Variants in FAM210A observed in about 807,000 individuals in gnomAD.
The protein encoded by FAM210A is family with sequence similarity 210 member A.
A neutral mutation model predicts 25.3 loss-of-function variants in FAM210A; 13 were observed. The ratio of observed to expected loss-of-function variants is 0.51; its 90% CI spans 0.33 to 0.82. FAM210A has a LOEUF of 0.82. Ranked by LOEUF, FAM210A falls within the 40% of genes least tolerant of loss-of-function variation. The probability of loss-of-function intolerance (pLI) is 0.02; values close to 1 mark genes in which losing one functional copy is unlikely to be tolerated. For synonymous variants in FAM210A, 125 were observed against 118.7 expected, an observed-to-expected ratio of 1.05 and a Z score of -0.35; for missense variants, 319 against 323.2, an observed-to-expected ratio of 0.99 and a Z score of 0.10.
rs543355762 is a variant in FAM210A at position 13,712,688 on chromosome 18, T to G, written c.-29+13641A>C. Among the ~76,000 whole-genome samples, 8 of 152,300 alleles carry G rather than the reference T, an allele frequency of 5.3e-5. No individual in the cohort carries two copies. The South Asian group carries it at 1.7e-3, about 32-fold the overall frequency. ...TGGGCCCACACCAAACACCTTTATC[T>G]GCCAGTACCTTGCTCTTAGACTTTC... On this transcript the variant is annotated intron_variant, in intron 1 of 3. Transcript: ENST00000651643.
chr18:13,692,519 G>A (rs1214708579), intron 1 of FAM210A, among the ~76,000 whole-genome samples: 5 of 152,134 alleles, frequency 3.3e-5, no homozygotes, highest in African/African-American at 1.2e-4. Flanking sequence ...GCACTCCTCA[G>A]CAAATGTAAA....
chr18:13,725,299 T>C (rs1568492216), intron 1 of FAM210A, among the ~76,000 whole-genome samples: 1 of 152,210 alleles, frequency 6.6e-6, no homozygotes. Context: ...TTTCATATAA[T>C]AACAAATACA....
At chr18:13,686,419 G>A (rs1243677179) in intron 1 of FAM210A, among the ~76,000 whole-genome samples, 2 of 152,170 alleles carry the variant, frequency 1.3e-5, no homozygotes, top group African/African-American at 4.8e-5. Flanking sequence ...ATAACTCAAT[G>A]CTACGTCTGT....
chr18:13,694,922 G>C (rs553041292), intron 1 of FAM210A, among the ~76,000 whole-genome samples: 1 of 152,192 alleles, frequency 6.6e-6, no homozygotes, highest in African/African-American at 2.4e-5. Flanking sequence ...CCATCAGAGT[G>C]AGCAGGCAAC....
intron 1 of FAM210A, among the ~76,000 whole-genome samples, chr18:13,704,529 C>A (rs999128236): frequency 6.6e-6 from 1 of 152,086 alleles, no homozygotes; most frequent in Non-Finnish European, 1.5e-5. Flanking sequence ...GTGTTTTAAA[C>A]CTTTAACATA....
At chr18:13,713,741 C>CACACACACACACACAA in intron 1 of FAM210A, among the ~76,000 whole-genome samples, 1 of 151,910 alleles carries the variant, frequency 6.6e-6, no homozygotes, top group East Asian at 1.9e-4. Context: ...CACACACACA[C>CACACACACACACACAA]ACACACACAC....
At chr18:13,701,827 T>C (rs1460461782) in intron 1 of FAM210A, among the ~76,000 whole-genome samples, 2 of 152,212 alleles carry the variant, frequency 1.3e-5, no homozygotes, top group Non-Finnish European at 2.9e-5. Flanking sequence ...CAGTACCAAT[T>C]GGCTGACTTT....
chr18:13,717,712 G>A (rs1482603306), intron 1 of FAM210A, among the ~76,000 whole-genome samples: 1 of 152,168 alleles, frequency 6.6e-6, no homozygotes, highest in African/African-American at 2.4e-5. Flanking sequence ...GTAACATAAA[G>A]GTTAATCAAC....
At chr18:13,689,718 C>T (rs917318599) in intron 1 of FAM210A, among the ~76,000 whole-genome samples, 6 of 152,246 alleles carry the variant, frequency 3.9e-5, no homozygotes, top group African/African-American at 1.4e-4. Context: ...AGATGTAAAA[C>T]TTTTTATTGC....
At chr18:13,696,097 G>C (rs945434514) in intron 1 of FAM210A, among the ~76,000 whole-genome samples, 3 of 152,140 alleles carry the variant, frequency 2.0e-5, no homozygotes, top group Admixed American at 2.0e-4. Flanking sequence ...TAAATAAATG[G>C]AGAGATAGTC....
At chr18:13,672,025 T>C (rs1338217139) in intron 2 of FAM210A, 52 bp from the exon 3 acceptor site, 1 of 1,287,048 alleles carries the variant, frequency 7.8e-7, no homozygotes, top group African/African-American at 1.5e-5. Context: ...AATGATATTT[T>C]CAAAAATTAT....
At chr18:13,719,777 T>C (rs1038638503) in intron 1 of FAM210A, among the ~76,000 whole-genome samples, 1 of 152,128 alleles carries the variant, frequency 6.6e-6, no homozygotes, top group East Asian at 1.9e-4. Flanking sequence ...GGCAAAAAAA[T>C]TCTACAATCA....
Position 13,726,441 on chromosome 18 carries a change from C to A in FAM210A, c.-141G>T. The A allele has an allele frequency of 6.6e-6, 1 of 152,516 alleles. No homozygotes were observed. Among genetic ancestry groups the A allele is most frequent in the South Asian group, 2.0e-4 (1 of 4,920 alleles). The allele number at this position is 152,516 out of a possible 1,614,324, so 9.4% of individuals were successfully genotyped here. On this transcript the variant is annotated 5_prime_UTR_variant, in exon 1 of 4. Transcript: ENST00000651643. ...AGAGCAGCCCGACAAAGCGTGGGTC[C>A]GCGTGCAGGAACCCGCCGGGCTCAG...
intron 3 of FAM210A, 55 bp downstream of exon 3, chr18:13,671,807 G>A (rs1285701093): frequency 1.8e-6 from 2 of 1,091,930 alleles, no homozygotes; most frequent in South Asian, 1.4e-5. Context: ...ATGGGAAAGT[G>A]AGCAGGTCAC....
rs950194289 is a variant in FAM210A at position 13,726,422 on chromosome 18, G to A, written c.-122C>T. Reference sequence around the variant, plus strand: ...CACGGCGGTGTCACTCAGCAGAGCAGCCCGACAAAGCGTGGGTCCGCGTGC... The same window carrying A: ...CACGGCGGTGTCACTCAGCAGAGCAACCCGACAAAGCGTGGGTCCGCGTGC... On this transcript the variant is annotated 5_prime_UTR_variant, in exon 1 of 4. Coordinates refer to ENST00000651643, the MANE Select transcript of FAM210A (RefSeq NM_152352.4). 1.6e-4 allele frequency: 24 copies of A among 152,504 alleles called. No individual in the cohort carries two copies. The highest frequency in any genetic ancestry group is 5.8e-4 in the African/African-American group (24 of 41,460). 9.4% of individuals were successfully genotyped at this position (152,504 alleles called of 1,614,324 possible).
chr18:13,675,033 T>A (rs1200158504), intron 2 of FAM210A, among the ~76,000 whole-genome samples: 2 of 117,584 alleles, frequency 1.7e-5, no homozygotes, highest in Non-Finnish European at 3.6e-5. Context: ...CCCTGGCTTC[T>A]TTATTTCCTG....
rs2043571087 is a variant in FAM210A, at chr18:13,683,356, A to T, written c.-28-1251T>A. 2.0e-5 allele frequency among the ~76,000 whole-genome samples: 3 copies of T among 152,142 alleles called. No individual in the cohort carries two copies. The South Asian group carries it at 6.2e-4, about 31-fold the overall frequency. On this transcript the variant is annotated intron_variant, in intron 1 of 3. Coordinates refer to ENST00000651643, the MANE Select transcript of FAM210A (RefSeq NM_152352.4). ...CCCATATCAATGGTGGAGAGAAAAAAAGTGTAGAGTGATGTCTCACTATTT... is the reference window on the plus strand; with the variant it reads ...CCCATATCAATGGTGGAGAGAAAAATAGTGTAGAGTGATGTCTCACTATTT...
chr18:13,677,571 A>G (rs1412600660), intron 2 of FAM210A, among the ~76,000 whole-genome samples: 1 of 152,212 alleles, frequency 6.6e-6, no homozygotes, highest in East Asian at 1.9e-4. Context: ...ATAACAGATT[A>G]GGTTCGATCT....
At chr18:13,707,108 A>G (rs1035440221) in intron 1 of FAM210A, among the ~76,000 whole-genome samples, 1 of 152,234 alleles carries the variant, frequency 6.6e-6, no homozygotes, top group Non-Finnish European at 1.5e-5. Context: ...ACAAGAGCTG[A>G]AAGAAATGTG....
Sources: gnomAD v4.1 joint callset for allele counts (sites outside exome capture counted in the v4.1 genomes callset) on GRCh38, gnomAD v4.1.1 for gene constraint, MANE v1.5 for transcripts, NCBI Gene and HGNC (gene_info 2026-07-23, HGNC 2026-07-21) for gene names.